The following DOCK10 variants were observed in gnomAD, a reference collection of about 807,000 sequenced individuals.
DOCK10 encodes the protein dedicator of cytokinesis protein 10.
In DOCK10, 145 loss-of-function variants were observed where a neutral mutation model predicts 280.1. That is an observed-to-expected ratio of 0.52 (90% CI 0.45 to 0.59). DOCK10 has a LOEUF of 0.59. Ranked by LOEUF, DOCK10 falls within the 20% of genes least tolerant of loss-of-function variation. The pLI, the probability that DOCK10 is intolerant of heterozygous loss-of-function variation, is 0.00. For synonymous variants in DOCK10, 915 were observed against 942.2 expected (o/e 0.97, Z 0.53); for missense variants, 2,368 against 2,651.7 (o/e 0.89, Z 2.35).
intron 11 of DOCK10, among the ~76,000 whole-genome samples, chr2:224,866,638 T>C (rs1251401515): frequency 6.6e-6 from 1 of 152,206 alleles, no homozygotes; most frequent in Non-Finnish European, 1.5e-5. Flanking sequence ...TTCAGTTCCA[T>C]CATTCTTTCT....
chr2:224,936,036 A>C (rs569482123), intron 1 of DOCK10, among the ~76,000 whole-genome samples: 1 of 152,172 alleles, frequency 6.6e-6, no homozygotes. Flanking sequence ...ATGAGTGAAG[A>C]CTCCAGAGCT....
chr2:224,845,398 T>A, intron 20 of DOCK10, 74 bp from the exon 21 acceptor site: 1 of 1,536,842 alleles, frequency 6.5e-7, no homozygotes, highest in Non-Finnish European at 8.8e-7. Context: ...ATGCTATTTA[T>A]TATTTACGAA....
chr2:224,924,093 C>T (rs933820603), intron 2 of DOCK10, among the ~76,000 whole-genome samples: 4 of 152,142 alleles, frequency 2.6e-5, no homozygotes, highest in East Asian at 1.9e-4. Context: ...ATAAAGTGCT[C>T]GTATCTACAT....
chr2:224,900,094 TACTC>T (rs1320441413), intron 3 of DOCK10, among the ~76,000 whole-genome samples: 2 of 152,206 alleles, frequency 1.3e-5, no homozygotes, highest in East Asian at 1.9e-4. Flanking sequence ...TGCAATGACT[TACTC>T]ACTGCCCTTT....
At chr2:224,984,341 C>A (rs925660174) in intron 1 of DOCK10, among the ~76,000 whole-genome samples, 1 of 152,262 alleles carries the variant, frequency 6.6e-6, no homozygotes, top group Non-Finnish European at 1.5e-5. Flanking sequence ...CTCTCTAAAT[C>A]TGGCTGACCT....
chr2:224,849,680 T>A, intron 18 of DOCK10, 81 bp from the exon 19 acceptor site: 1 of 973,720 alleles, frequency 1.0e-6, no homozygotes, highest in Non-Finnish European at 1.6e-6. Context: ...AACTCTTCAG[T>A]ACCAACCCTG....
In DOCK10 at chr2:224,912,243, C is replaced by G. The variant is rs529770959; in HGVS notation, c.333+4452G>C. On this transcript the variant is annotated intron_variant, in intron 3 of 55. Transcript: ENST00000258390. Reference sequence around the variant, plus strand: ...CTCCGCCTTCTAGGTTCAAGTGATTCTCCTGCCTCAGCATCCCAAATAGCT... The same window carrying G: ...CTCCGCCTTCTAGGTTCAAGTGATTGTCCTGCCTCAGCATCCCAAATAGCT... Among the ~76,000 whole-genome samples, 40 of 151,756 alleles carry G rather than the reference C, an allele frequency of 2.6e-4. No homozygotes were observed. In the South Asian group the frequency reaches 7.7e-3, roughly 29 times the overall value.
chr2:224,765,911 C>A, intron 55 of DOCK10, 74 bp from the exon 56 acceptor site: 1 of 1,140,898 alleles, frequency 8.8e-7, no homozygotes, highest in Non-Finnish European at 1.3e-6. Context: ...AAATTAAAAC[C>A]CAGAATAGAG....
intron 7 of DOCK10, among the ~76,000 whole-genome samples, chr2:224,879,272 G>A (rs1387701316): frequency 6.6e-6 from 1 of 152,140 alleles, no homozygotes; most frequent in African/African-American, 2.4e-5. Context: ...GGAGGACTGG[G>A]GTAGATGTCC....
chr2:224,770,754 C>G lies in DOCK10; in HGVS notation c.6205-109G>C, dbSNP rs1005981501. 24 of 747,320 alleles carry G rather than the reference C, an allele frequency of 3.2e-5. No individual in the cohort carries two copies. Among genetic ancestry groups the G allele is most frequent in the East Asian group, 5.2e-5 (2 of 38,408 alleles). The allele number at this position is 747,320 out of a possible 1,614,324, so 46.3% of individuals were successfully genotyped here. A position where few individuals can be genotyped will look rare whatever the true frequency, so the allele number is the denominator to read the frequency against. ...AATGGTGTGGTACCCCCATCTCACA[C>G]CCTGCCTTCTAGTCCACTCATTTGT... On this transcript the variant is annotated intron_variant, in intron 53 of 55. Transcript: ENST00000258390. The surrounding 1 kb of genome is among the most constrained non-coding windows in gnomAD (Gnocchi z 4.5).
chr2:224,994,452 T>C (rs1171808210), intron 1 of DOCK10, among the ~76,000 whole-genome samples: 1 of 152,222 alleles, frequency 6.6e-6, no homozygotes, highest in African/African-American at 2.4e-5. Context: ...TATTACCCTC[T>C]CCAAAAAGTG....
At chr2:225,037,291 A>G (rs1690286503) in intron 1 of DOCK10, among the ~76,000 whole-genome samples, 1 of 152,158 alleles carries the variant, frequency 6.6e-6, no homozygotes, top group African/African-American at 2.4e-5. Flanking sequence ...AAGATCTATT[A>G]TAATTAAGGG....
chr2:224,994,713 A>G (rs1295930665), intron 1 of DOCK10, among the ~76,000 whole-genome samples: 3 of 152,192 alleles, frequency 2.0e-5, no homozygotes, highest in Admixed American at 1.3e-4. Flanking sequence ...CAGGGTATAT[A>G]ATATGTTATT....
intron 31 of DOCK10, among the ~76,000 whole-genome samples, chr2:224,811,065 C>T (rs1693738154): frequency 6.6e-6 from 1 of 152,136 alleles, no homozygotes; most frequent in Non-Finnish European, 1.5e-5. Flanking sequence ...GCCACACTGA[C>T]TTCCACAATG....
rs1215860021 is a variant in DOCK10, at chr2:224,807,767, T to C, written c.3603A>G (p.Ile1201Met). Residue 1201 changes from isoleucine (I) to methionine (M), a missense_variant, in exon 33 of 56, where the codon ATA (isoleucine) becomes ATG (methionine). Ile to Met is a conservative substitution (Grantham distance 10, BLOSUM62 1). Around this residue, in one of 2 missense-constraint regions of DOCK10, gnomAD observed 1,159 missense variants for 1,400.8 expected, o/e 0.83. Transcript: ENST00000258390. ...CGTACAGGGGCATGTATAAACTTGC[T>C]ATCTGGGCCTGCTTTCTCTAGGAGA... is the stretch of plus-strand genomic sequence containing the variant. Reference protein sequence around the residue: ...RYREPRKQAQIASLYMPLYGM... With the variant: ...RYREPRKQAQMASLYMPLYGM... 6.4e-7 allele frequency: 1 copy of C among 1,569,492 alleles called. No homozygotes were observed. Among genetic ancestry groups the C allele is most frequent in the Non-Finnish European group, 8.6e-7 (1 of 1,156,248 alleles).
intron 1 of DOCK10, among the ~76,000 whole-genome samples, chr2:224,988,901 C>T (rs281526): frequency 0.21 from 31,940 of 152,118 alleles, 3,945 homozygotes; most frequent in East Asian, 0.44. Flanking sequence ...AATACAGAAA[C>T]GTAATGGGCT....
intron 5 of DOCK10, 61 bp downstream of exon 5, chr2:224,886,398 T>G: frequency 1.3e-6 from 2 of 1,547,310 alleles, no homozygotes; most frequent in South Asian, 1.1e-5. Context: ...AAACTTTCAG[T>G]GCAAGACAGA....
intron 25 of DOCK10, among the ~76,000 whole-genome samples, chr2:224,835,910 G>A (rs1188451928): frequency 6.6e-6 from 1 of 151,718 alleles, no homozygotes; most frequent in Non-Finnish European, 1.5e-5. Flanking sequence ...GGTCTTGTTG[G>A]GTATTTCAGA....
chr2:224,956,032 A>G (rs560350093), intron 1 of DOCK10, among the ~76,000 whole-genome samples: 2 of 152,262 alleles, frequency 1.3e-5, no homozygotes, highest in South Asian at 4.1e-4. Context: ...TGGTACACAT[A>G]AAACACAAAA....
Sources: allele counts gnomAD v4.1 joint callset (sites outside exome capture counted in the v4.1 genomes callset), GRCh38; gene constraint gnomAD v4.1.1; regional missense constraint gnomAD v4.1.1; non-coding constraint Gnocchi (gnomAD v3.1); transcripts MANE v1.5; gene names NCBI Gene and HGNC (gene_info 2026-07-23, HGNC 2026-07-21).